Variants in ANKRD17 observed in about 807,000 individuals in gnomAD.
ANKRD17 encodes the protein ankyrin repeat domain 17, also known as ankyrin repeat domain-containing protein 17.
A neutral mutation model predicts 229.7 loss-of-function variants in ANKRD17; 19 were observed. That is an observed-to-expected ratio of 0.08 (90% CI 0.06 to 0.12). The LOEUF (loss-of-function observed/expected upper bound fraction) is 0.12. Among genes scored for constraint, ANKRD17 ranks in the 10% least tolerant of loss-of-function variants. The probability of loss-of-function intolerance (pLI) is 1.00; values close to 1 mark genes in which losing one functional copy is unlikely to be tolerated. For synonymous variants in ANKRD17, 1,112 were observed against 1,146.1 expected (o/e 0.97, Z 0.60); for missense variants, 2,176 against 3,176.8 (o/e 0.68, Z 7.57).
At chr4:73,207,772 T>G (rs987510559) in intron 1 of ANKRD17, among the ~76,000 whole-genome samples, 1 of 152,282 alleles carries the variant, frequency 6.6e-6, no homozygotes, top group East Asian at 1.9e-4. Flanking sequence ...CCAAAATACA[T>G]GAAGCAAAAA....
chr4:73,205,215 T>C (rs1183594828), intron 1 of ANKRD17, among the ~76,000 whole-genome samples: 2 of 152,098 alleles, frequency 1.3e-5, no homozygotes, highest in East Asian at 3.9e-4. Context: ...TAGTTGCAGC[T>C]ACTCAGAAGG....
chr4:73,243,846 C>T (rs913618109), intron 1 of ANKRD17, among the ~76,000 whole-genome samples: 1 of 152,164 alleles, frequency 6.6e-6, no homozygotes, highest in Non-Finnish European at 1.5e-5. Flanking sequence ...GTCAATTCCT[C>T]AAAAGGAAGT....
chr4:73,101,858 T>G (rs1326747006), intron 25 of ANKRD17, among the ~76,000 whole-genome samples: 1 of 152,120 alleles, frequency 6.6e-6, no homozygotes, highest in Non-Finnish European at 1.5e-5. Context: ...TCTGTCAACT[T>G]GTCTGTAGTT....
intron 29 of ANKRD17, among the ~76,000 whole-genome samples, chr4:73,086,922 ATATATATATATATAT>A (rs1722232751): frequency 5.9e-5 from 3 of 50,956 alleles, no homozygotes; most frequent in East Asian, 6.3e-4. Context: ...AAAAAAAAAT[ATATATATATATATAT>A]ATATATATAT....
intron 7 of ANKRD17, 33 bp downstream of exon 7, chr4:73,151,397 A>G (rs1372735464): frequency 6.3e-7 from 1 of 1,583,376 alleles, no homozygotes; most frequent in African/African-American, 1.3e-5. Flanking sequence ...TGGTTAATAT[A>G]TAAACATATT....
chr4:73,250,345 C>G (rs1004984491), intron 1 of ANKRD17, among the ~76,000 whole-genome samples: 1 of 151,946 alleles, frequency 6.6e-6, no homozygotes, highest in East Asian at 1.9e-4. Flanking sequence ...CTCACATCTG[C>G]AAGCCCAGCA....
intron 1 of ANKRD17, among the ~76,000 whole-genome samples, chr4:73,186,106 C>A (rs1451189825): frequency 6.6e-6 from 1 of 151,934 alleles, no homozygotes. Context: ...AAAGTCATCA[C>A]AATTTAGTCT....
intron 1 of ANKRD17, among the ~76,000 whole-genome samples, chr4:73,215,139 AT>A (rs1317077397): frequency 3.0e-4 from 45 of 152,300 alleles, no homozygotes; most frequent in South Asian, 4.1e-4. Context: ...AATTCAAATG[AT>A]TTGTCATCAA....
intron 2 of ANKRD17, among the ~76,000 whole-genome samples, chr4:73,166,368 C>T (rs116369395): frequency 3.2e-4 from 48 of 152,238 alleles, no homozygotes; most frequent in African/African-American, 1.0e-3. Flanking sequence ...ATAAGTTTGG[C>T]AACACCAGAA....
At chr4:73,122,173 G>A (rs1726828100) in intron 18 of ANKRD17, among the ~76,000 whole-genome samples, 1 of 152,012 alleles carries the variant, frequency 6.6e-6, no homozygotes, top group Non-Finnish European at 1.5e-5. Flanking sequence ...TGGTATAAAA[G>A]GTCCTATATT....
At position 73,091,476 on chromosome 4, in the gene ANKRD17, T is replaced by C; in HGVS notation, c.6152A>G (p.Gln2051Arg). 6.2e-7 allele frequency: 1 copy of C among 1,614,158 alleles called. No homozygotes were observed. The highest frequency in any genetic ancestry group is 8.5e-7 in the Non-Finnish European group (1 of 1,180,012). The change falls in exon 29 of 34, where the codon CAG (glutamine) becomes CGG (arginine). Residue 2051 changes from glutamine to arginine, a missense_variant. Around this residue, in one of 18 missense-constraint regions of ANKRD17, gnomAD observed 424 missense variants for 454.0 expected, o/e 0.93. Transcript: ENST00000358602. ...SSPSSPSPPA[Q>R]PGGVSRNSPL... ...GCTGTTTCTAGAAACCCCTCCTGGC[T>C]GGGCTGGTGGTGATGGGGAAGATGG...
chr4:73,074,329 GAATT>G lies in ANKRD17; in HGVS notation c.*1898_*1901del, dbSNP rs1198010188. The G allele has an allele frequency of 6.6e-5, 10 of 151,684 alleles. No individual in the cohort carries two copies. Among genetic ancestry groups the G allele is most frequent in the African/African-American group, 2.2e-4 (9 of 41,358 alleles). The allele number at this position is 151,684 out of a possible 1,614,324, so 9.4% of individuals were successfully genotyped here. On this transcript the variant is annotated 3_prime_UTR_variant, in exon 34 of 34. Transcript: ENST00000358602. The stretch of plus-strand genomic sequence containing the variant: ...AAATAACCCTAGTTAACACAGGAAA[GAATT>G]AAGAAAAAAAATTTTATGTATAGAA...
At chr4:73,133,165 G>A (rs1270888179) in intron 16 of ANKRD17, among the ~76,000 whole-genome samples, 2 of 151,666 alleles carry the variant, frequency 1.3e-5, no homozygotes, top group Admixed American at 6.6e-5. Context: ...CAGGAGAATC[G>A]CTTGAACCTG....
At position 73,091,088 on chromosome 4, in the gene ANKRD17, T is replaced by G. The variant is rs199980337; in HGVS notation, c.6540A>C (p.Pro2180=). ...TPKMETPAIR[P]PPHGTTAPHK... is the part of the protein sequence containing the mutation. ...GAGGGGCAGTTGTGCCATGAGGGGG[T>G]GGTCTAATAGCAGGGGTTTCCATTT... The change falls in exon 29 of 34, where the codon CCA becomes CCC. Residue 2180 remains proline, a synonymous_variant. Transcript: ENST00000358602. 1.0e-3 allele frequency: 1,680 copies of G among 1,613,628 alleles called. 41 individuals carry two copies. In the South Asian group the frequency reaches 0.017, roughly 17 times the overall value.
chr4:73,170,258 T>A (rs1733802533), intron 2 of ANKRD17, among the ~76,000 whole-genome samples: 1 of 151,882 alleles, frequency 6.6e-6, no homozygotes, highest in African/African-American at 2.4e-5. Context: ...AGGGCACCAG[T>A]CAGATTCGTG....
At chr4:73,100,721 T>C (rs1277294525) in intron 25 of ANKRD17, 2 of 508,026 alleles carry the variant, frequency 3.9e-6, no homozygotes, top group Non-Finnish European at 5.1e-6. Flanking sequence ...TGCCAAAATG[T>C]TTTAAAAATG....
intron 2 of ANKRD17, among the ~76,000 whole-genome samples, chr4:73,162,075 C>T (rs1732610411): frequency 6.8e-6 from 1 of 148,138 alleles, no homozygotes; most frequent in African/African-American, 2.5e-5. Context: ...TTTTTTTAGA[C>T]AGGGTCTTGC....
At chr4:73,218,845 G>T (rs763666016) in intron 1 of ANKRD17, among the ~76,000 whole-genome samples, 2 of 151,982 alleles carry the variant, frequency 1.3e-5, no homozygotes, top group African/African-American at 4.8e-5. Context: ...TGCGGATCAC[G>T]AGGTCAAGAG....
At chr4:73,155,883 A>G (rs967687380) in intron 4 of ANKRD17, 105 bp from the exon 5 acceptor site, 6 of 1,476,776 alleles carry the variant, frequency 4.1e-6, no homozygotes, top group Non-Finnish European at 5.5e-6. Context: ...AAGAGCTATA[A>G]GCACACAAAA....
Sources: allele counts gnomAD v4.1 joint callset (sites outside exome capture counted in the v4.1 genomes callset), GRCh38; gene constraint gnomAD v4.1.1; regional missense constraint gnomAD v4.1.1; transcripts MANE v1.5; gene names NCBI Gene and HGNC (gene_info 2026-07-23, HGNC 2026-07-21).